The following TCF7L2 variants were observed in gnomAD, a reference collection of about 807,000 sequenced individuals.
The protein encoded by TCF7L2 is transcription factor 7 like 2.
In TCF7L2, 23 loss-of-function variants were observed where a neutral mutation model predicts 77.9. The observed-to-expected ratio is 0.30, with a 90% CI of 0.21 to 0.42. The LOEUF (loss-of-function observed/expected upper bound fraction) is 0.42. Among genes scored for constraint, TCF7L2 ranks in the 10% least tolerant of loss-of-function variants. TCF7L2 has a pLI of 1.00. For synonymous variants in TCF7L2, 413 were observed against 340.2 expected (o/e 1.21, Z -2.36); for missense variants, 654 against 793.1 (o/e 0.82, Z 2.11).
At chr10:113,068,405 C>T (rs559818147) in intron 5 of TCF7L2, among the ~76,000 whole-genome samples, 2 of 152,260 alleles carry the variant, frequency 1.3e-5, no homozygotes, top group East Asian at 1.9e-4. Context: ...CAGAAGCCCT[C>T]GTGAGCAAGC....
At chr10:113,032,211 C>G (rs937690335) in intron 4 of TCF7L2, among the ~76,000 whole-genome samples, 1 of 152,174 alleles carries the variant, frequency 6.6e-6, no homozygotes, top group African/African-American at 2.4e-5. Flanking sequence ...AGAGGAGGGT[C>G]TGGTGAAATT....
chr10:113,098,852 A>G lies in TCF7L2; in HGVS notation c.553-42332A>G, dbSNP rs186292340. On this transcript the variant is annotated intron_variant, in intron 5 of 13. Transcript: ENST00000627217. ...ACAGAACAGCTCCATCGCCCTGTAC[A>G]TGTCCTGTTGCTGCCTTTGTGTAGT... Among the ~76,000 whole-genome samples, 262 of 152,322 alleles carry G rather than the reference A, an allele frequency of 1.7e-3. 1 individual carries two copies. Among genetic ancestry groups the G allele is most frequent in the African/African-American group, 5.7e-3 (237 of 41,556 alleles).
At position 113,141,246 on chromosome 10, in the gene TCF7L2, G is replaced by A. The variant is rs779476217; in HGVS notation, c.615G>A (p.Thr205=). The change falls in exon 6 of 14, where the codon ACG becomes ACA. Residue 205 remains threonine (T), a synonymous_variant. Transcript: ENST00000627217. ...TCCACCCCCTCACGCCTCTTATCAC[G>A]TACAGCAATGAACACTTCACGCCGG... is the stretch of plus-strand genomic sequence containing the variant. 3.8e-5 allele frequency: 62 copies of A among 1,614,000 alleles called. No individual in the cohort carries two copies. The highest frequency in any genetic ancestry group is 1.3e-4 in the South Asian group (12 of 91,086).
chr10:113,064,269 G>A (rs937495305), intron 5 of TCF7L2, among the ~76,000 whole-genome samples: 1 of 152,170 alleles, frequency 6.6e-6, no homozygotes, highest in Non-Finnish European at 1.5e-5. Context: ...GAGGGGCCAG[G>A]CCCAAATGGT....
rs1270432663 is a variant in TCF7L2, at chr10:113,158,062, G to T, written c.1311G>T (p.Glu437Asp). 1 of 1,598,164 alleles carries T rather than the reference G, an allele frequency of 6.3e-7. No homozygotes were observed. Among genetic ancestry groups the T allele is most frequent in the South Asian group, 1.1e-5 (1 of 88,106 alleles). The change falls in exon 12 of 14, where the codon GAG becomes GAT. Residue 437 changes from glutamate to aspartate, a missense_variant. Glu to Asp is a conservative substitution (Grantham distance 45). Transcript: ENST00000627217. ...GGAAAAGGGACAAGCAGCCGGGAGAGACCAATGGTAAGTGACAATCATCAG... is the reference window on the plus strand; with the variant it reads ...GGAAAAGGGACAAGCAGCCGGGAGATACCAATGGTAAGTGACAATCATCAG...
intron 8 of TCF7L2, among the ~76,000 whole-genome samples, chr10:113,147,939 G>A (rs1362057586): frequency 1.3e-5 from 2 of 152,168 alleles, no homozygotes; most frequent in African/African-American, 4.8e-5. Context: ...GACTCCCCAG[G>A]TAGGCCAAAT....
intron 4 of TCF7L2, among the ~76,000 whole-genome samples, chr10:112,979,036 A>C (rs1334507647): frequency 1.3e-5 from 2 of 152,078 alleles, no homozygotes; most frequent in Non-Finnish European, 2.9e-5. Flanking sequence ...AGAAGACTCC[A>C]ACCCTCTTTT....
chr10:112,993,333 C>T (rs745875996), intron 4 of TCF7L2, among the ~76,000 whole-genome samples: 1 of 151,636 alleles, frequency 6.6e-6, no homozygotes, highest in Non-Finnish European at 1.5e-5. Flanking sequence ...TGGTAAAACC[C>T]TGTCTCTACT....
intron 5 of TCF7L2, among the ~76,000 whole-genome samples, chr10:113,116,415 G>A (rs1335999267): frequency 6.6e-6 from 1 of 152,086 alleles, no homozygotes. Context: ...CCCTTGTAGT[G>A]TAATAGTGCA....
rs571618235 is a variant in TCF7L2 at position 113,150,474 on chromosome 10, A to G, written c.876-524A>G. 7.9e-5 allele frequency among the ~76,000 whole-genome samples: 12 copies of G among 152,338 alleles called. No homozygotes were observed. In the East Asian group the frequency reaches 2.3e-3, roughly 29 times the overall value. On this transcript the variant is annotated intron_variant, in intron 8 of 13. Transcript: ENST00000627217. ...CAAATGATGGGACACAGCACAAAAG[A>G]AAAATAAAAATTGTATTGCACTTCA... is the stretch of plus-strand genomic sequence containing the variant.
chr10:113,005,526 G>A (rs551351381), intron 4 of TCF7L2, among the ~76,000 whole-genome samples: 4 of 152,258 alleles, frequency 2.6e-5, no homozygotes, highest in East Asian at 3.9e-4. Context: ...CCTTGATCTC[G>A]ACAACCCCTT....
At chr10:113,076,409 A>G (rs941703937) in intron 5 of TCF7L2, among the ~76,000 whole-genome samples, 1 of 152,160 alleles carries the variant, frequency 6.6e-6, no homozygotes, top group South Asian at 2.1e-4. Flanking sequence ...AAGTGCTGGG[A>G]TTACATGCGT....
intron 13 of TCF7L2, among the ~76,000 whole-genome samples, chr10:113,163,452 C>G (rs2073522047): frequency 6.6e-6 from 1 of 152,090 alleles, no homozygotes; most frequent in Non-Finnish European, 1.5e-5. Flanking sequence ...CCTTTCCTCT[C>G]TCTGTTTTTC....
intron 4 of TCF7L2, among the ~76,000 whole-genome samples, chr10:113,028,556 A>G (rs1023828993): frequency 2.6e-5 from 4 of 152,218 alleles, no homozygotes; most frequent in African/African-American, 7.2e-5. Context: ...GAAAAAAAAC[A>G]AAAGGAAAAC....
In TCF7L2 at chr10:112,995,055, C is replaced by G. The variant is rs542292170; in HGVS notation, c.450+30431C>G. Among the ~76,000 whole-genome samples the G allele has an allele frequency of 9.2e-5, 14 of 152,306 alleles. 1 individual carries two copies. The South Asian group carries it at 2.9e-3, about 32-fold the overall frequency. On this transcript the variant is annotated intron_variant, in intron 4 of 13. Coordinates refer to ENST00000627217, the MANE Select transcript of TCF7L2 (RefSeq NM_001146274.2). ...GACTGAGGTTGCAGTGAGCGGAGAT[C>G]ATGCCATTGCACTCCAGCCTGGGCA...
chr10:113,146,050 C>T lies in TCF7L2; in HGVS notation c.828C>T (p.Phe276=), dbSNP rs1391926597. Residue 276 remains phenylalanine, a synonymous_variant, in exon 8 of 14, where the codon TTC becomes TTT. Transcript: ENST00000627217. ...TGTACCCAATCACGACAGGAGGATT[C>T]AGACACCCCTACCCCACAGCTCTGA... 2 of 1,526,672 alleles carry T rather than the reference C, an allele frequency of 1.3e-6. No homozygotes were observed. Among genetic ancestry groups the T allele is most frequent in the Admixed American group, 3.6e-5 (2 of 55,602 alleles). 94.6% of individuals were successfully genotyped at this position (1,526,672 alleles called of 1,614,324 possible).
chr10:113,165,103 T>C (rs1199112988), intron 13 of TCF7L2, among the ~76,000 whole-genome samples: 14 of 150,608 alleles, frequency 9.3e-5, no homozygotes, highest in Admixed American at 9.2e-4. Context: ...GGGATGGGGG[T>C]GGTAGTGGTG....
chr10:113,128,212 G>T (rs966979148), intron 5 of TCF7L2, among the ~76,000 whole-genome samples: 1 of 152,126 alleles, frequency 6.6e-6, no homozygotes, highest in African/African-American at 2.4e-5. Context: ...GGGCCTTAAA[G>T]ATTGCTGCCT....
At chr10:113,016,147 C>T (rs1448119804) in intron 4 of TCF7L2, among the ~76,000 whole-genome samples, 2 of 150,868 alleles carry the variant, frequency 1.3e-5, no homozygotes, top group Non-Finnish European at 3.0e-5. Flanking sequence ...TCACTACAAC[C>T]TCTGCTGCCC....
Sources: gnomAD v4.1 joint callset for allele counts (sites outside exome capture counted in the v4.1 genomes callset) on GRCh38, gnomAD v4.1.1 for gene constraint, MANE v1.5 for transcripts, NCBI Gene and HGNC (gene_info 2026-07-23, HGNC 2026-07-21) for gene names.